The following RCVRN variants were observed in gnomAD, a reference collection of about 807,000 sequenced individuals.
RCVRN encodes the protein cancer associated retinopathy antigen.
RCVRN carries 23 observed loss-of-function variants against 20.4 expected under a neutral mutation model. The ratio of observed to expected loss-of-function variants is 1.13; its 90% CI spans 0.81 to 1.60. The LOEUF is 1.60. Ranked by LOEUF, RCVRN falls within the 40% of genes most tolerant of loss-of-function variation. The pLI is 0.00. For synonymous variants in RCVRN, 105 were observed against 105.9 expected (o/e 0.99, Z 0.05); for missense variants, 254 against 254.2 (o/e 1.00, Z 0.00).
Position 9,901,085 on chromosome 17 carries a change from T to TCA in RCVRN, c.395_396dup (p.Ile133Ter), listed in dbSNP as rs2067339725. The TCA allele has an allele frequency of 6.2e-7, 1 of 1,601,696 alleles. No homozygotes were observed. Among genetic ancestry groups the TCA allele is most frequent in the East Asian group, 2.2e-5 (1 of 44,622 alleles). ...AGGAGCTTCACGTCCTCGGGAGTGA[T>TCA]CATTTTGAAAATAGCCTGTACCAAA... On this transcript the variant is annotated frameshift_variant, in exon 2 of 3. Transcript: ENST00000226193. LOFTEE classifies it high-confidence loss of function.
intron 2 of RCVRN, among the ~76,000 whole-genome samples, chr17:9,898,998 T>A (rs1222310625): frequency 2.0e-5 from 3 of 152,174 alleles, no homozygotes; most frequent in African/African-American, 7.2e-5. Flanking sequence ...CCACTGTGCT[T>A]GGAGCCAAGG....
intron 1 of RCVRN, among the ~76,000 whole-genome samples, chr17:9,901,922 A>G (rs572623438): frequency 6.6e-6 from 1 of 152,318 alleles, no homozygotes; most frequent in South Asian, 2.1e-4. Flanking sequence ...TGCTCTGCCC[A>G]TGAACTTGTA....
chr17:9,900,689 T>C (rs1228842660), intron 2 of RCVRN, among the ~76,000 whole-genome samples: 3 of 152,092 alleles, frequency 2.0e-5, no homozygotes, highest in Admixed American at 1.3e-4. Flanking sequence ...CCAAACCAAC[T>C]TCCCAAAGTA....
Position 9,904,677 on chromosome 17 carries a change from C to T in RCVRN, c.381+123G>A, listed in dbSNP as rs1472416435. 8.9e-7 allele frequency: 1 copy of T among 1,122,446 alleles called. No homozygotes were observed. The highest frequency in any genetic ancestry group is 2.4e-5 in the East Asian group (1 of 42,008). 69.5% of individuals were successfully genotyped at this position (1,122,446 alleles called of 1,614,324 possible). Reference sequence around the variant, plus strand: ...ATCTCGGAGCACCACGCTCTCAGAGCCAGTGGCCCGCATCCCCCGCTCCAC... The same window carrying T: ...ATCTCGGAGCACCACGCTCTCAGAGTCAGTGGCCCGCATCCCCCGCTCCAC... On this transcript the variant is annotated intron_variant, in intron 1 of 2. Coordinates refer to ENST00000226193, the MANE Select transcript of RCVRN (RefSeq NM_002903.3). This position sits in a 1 kb window ranked among gnomAD's most constrained non-coding sequence, Gnocchi z 5.8.
rs1262982059 is a variant in RCVRN at position 9,896,327 on chromosome 17, C to T, written c.*1768G>A. On this transcript the variant is annotated 3_prime_UTR_variant, in exon 3 of 3. Transcript: ENST00000226193. ...GCAGAGTCTAGCATGGTGCACGGTT[C>T]ATAAGTGTTTATTCTCACGTTTGCT... 2.6e-5 allele frequency: 4 copies of T among 152,164 alleles called. No individual in the cohort carries two copies. Among genetic ancestry groups the T allele is most frequent in the African/African-American group, 9.7e-5 (4 of 41,412 alleles). The allele number at this position is 152,164 out of a possible 1,614,324, so 9.4% of individuals were successfully genotyped here.
chr17:9,901,855 T>C (rs1330784687), intron 1 of RCVRN, among the ~76,000 whole-genome samples: 2 of 152,220 alleles, frequency 1.3e-5, no homozygotes, highest in Admixed American at 6.5e-5. Flanking sequence ...ACAGCAACAC[T>C]GCTAGTTGGA....
At position 9,898,062 on chromosome 17, in the gene RCVRN, G is replaced by C; in HGVS notation, c.*33C>G. 1 of 1,444,254 alleles carries C rather than the reference G, an allele frequency of 6.9e-7. No individual in the cohort carries two copies. Among genetic ancestry groups the C allele is most frequent in the Non-Finnish European group, 9.8e-7 (1 of 1,025,402 alleles). The allele number at this position is 1,444,254 out of a possible 1,614,324, so 89.5% of individuals were successfully genotyped here. ...GGCGCTCACGGGTGTCATGTGAGTG[G>C]TAGGTGGAGGGAGGACAGCTGAACA... On this transcript the variant is annotated 3_prime_UTR_variant, in exon 3 of 3. Coordinates refer to ENST00000226193, the MANE Select transcript of RCVRN (RefSeq NM_002903.3).
chr17:9,903,803 G>GGTCCA (rs2067351411), intron 1 of RCVRN, among the ~76,000 whole-genome samples: 1 of 152,180 alleles, frequency 6.6e-6, no homozygotes, highest in African/African-American at 2.4e-5. Flanking sequence ...TGAGCTCCAT[G>GGTCCA]GTCCAGCCTT....
In RCVRN at chr17:9,904,787, A is replaced by G; in HGVS notation, c.381+13T>C. On this transcript the variant is annotated intron_variant, in intron 1 of 2. Coordinates refer to ENST00000226193, the MANE Select transcript of RCVRN (RefSeq NM_002903.3). This position sits in a 1 kb window ranked among gnomAD's most constrained non-coding sequence, Gnocchi z 5.8. ...CGGCACCGCCCAGCCAGAAGGGGAG[A>G]GGGGAGACTGACCATGACGATCTCC... The G allele has an allele frequency of 1.9e-6, 3 of 1,608,546 alleles. No individual in the cohort carries two copies.
Position 9,899,463 on chromosome 17 carries a change from T to G in RCVRN, c.494-1259A>C, listed in dbSNP as rs2067332414. Among the ~76,000 whole-genome samples the G allele has an allele frequency of 6.6e-6, 1 of 152,264 alleles. No individual in the cohort carries two copies. The highest frequency in any genetic ancestry group is 1.5e-5 in the Non-Finnish European group (1 of 68,050). On this transcript the variant is annotated intron_variant, in intron 2 of 2. Coordinates refer to ENST00000226193, the MANE Select transcript of RCVRN (RefSeq NM_002903.3). The surrounding 1 kb of genome is among the most constrained non-coding windows in gnomAD (Gnocchi z 4.6). ...AGTAACACGTCGACCTCGGGGCTTC[T>G]GACGTCATCCCCTCCCGGGATGTTC...
chr17:9,902,193 T>C (rs11656637), intron 1 of RCVRN, among the ~76,000 whole-genome samples: 26,577 of 151,754 alleles, frequency 0.18, 3,008 homozygotes, highest in Non-Finnish European at 0.26. Context: ...TGCTGGGCCC[T>C]GCATTGTTTA....
At chr17:9,901,141 T>A in intron 1 of RCVRN, 41 bp from the exon 2 acceptor site, 1 of 1,198,092 alleles carries the variant, frequency 8.3e-7, no homozygotes, top group Non-Finnish European at 1.2e-6. Flanking sequence ...GGAGGAACTT[T>A]AAGGGGCTGG....
In RCVRN at chr17:9,897,869, G is replaced by A. The variant is rs2067324449; in HGVS notation, c.*226C>T. 1 of 531,062 alleles carries A rather than the reference G, an allele frequency of 1.9e-6. No individual in the cohort carries two copies. Among genetic ancestry groups the A allele is most frequent in the South Asian group, 2.3e-5 (1 of 43,964 alleles). The allele number at this position is 531,062 out of a possible 1,614,324, so 32.9% of individuals were successfully genotyped here. On this transcript the variant is annotated 3_prime_UTR_variant, in exon 3 of 3. Coordinates refer to ENST00000226193, the MANE Select transcript of RCVRN (RefSeq NM_002903.3). ...GGGGTGGGACCGGGCATGATGGGAG[G>A]GAATGCTGAAGACCCAGGAAGAAGG...
At chr17:9,903,801 A>G (rs1372002488) in intron 1 of RCVRN, among the ~76,000 whole-genome samples, 1 of 152,214 alleles carries the variant, frequency 6.6e-6, no homozygotes, top group Non-Finnish European at 1.5e-5. Context: ...CCTGAGCTCC[A>G]TGGTCCAGCC....
chr17:9,897,999 TGCGCGCGC>T lies in RCVRN; in HGVS notation c.*88_*95del. 19 of 730,992 alleles carry T rather than the reference TGCGCGCGC, an allele frequency of 2.6e-5. No homozygotes were observed. Among genetic ancestry groups the T allele is most frequent in the Non-Finnish European group, 4.5e-5 (18 of 399,648 alleles). The allele number at this position is 730,992 out of a possible 1,614,324, so 45.3% of individuals were successfully genotyped here. On this transcript the variant is annotated 3_prime_UTR_variant, in exon 3 of 3. Transcript: ENST00000226193. ...TGGGGTGGATGTGTGTGTGTGTGTG[TGCGCGCGC>T]GTGTGTGTGCATGTGTGTGTGTGTG...
chr17:9,897,997 T>C lies in RCVRN; in HGVS notation c.*98A>G, dbSNP rs560847433. The stretch of plus-strand genomic sequence containing the variant: ...CCTGGGGTGGATGTGTGTGTGTGTG[T>C]GTGCGCGCGCGTGTGTGTGCATGTG... On this transcript the variant is annotated 3_prime_UTR_variant, in exon 3 of 3. Transcript: ENST00000226193. 8.8e-4 allele frequency: 670 copies of C among 760,166 alleles called. 4 individuals carry two copies. In the African/African-American group the frequency reaches 0.011, roughly 12 times the overall value. 47.1% of individuals were successfully genotyped at this position (760,166 alleles called of 1,614,324 possible).
Position 9,905,226 on chromosome 17 carries a change from G to A in RCVRN, c.-46C>T. 1 of 1,542,554 alleles carries A rather than the reference G, an allele frequency of 6.5e-7. No individual in the cohort carries two copies. The highest frequency in any genetic ancestry group is 8.7e-7 in the Non-Finnish European group (1 of 1,147,650). On this transcript the variant is annotated 5_prime_UTR_variant, in exon 1 of 3. Coordinates refer to ENST00000226193, the MANE Select transcript of RCVRN (RefSeq NM_002903.3). ...CGGCTGGGGAGTCGCTGGGTGGGTG[G>A]GACGTGCGTGGTCCCCTGGCCGCAG...
rs1326089258 is a variant in RCVRN, at chr17:9,905,221, G to T, written c.-41C>A. ...GGCAGCGGCTGGGGAGTCGCTGGGT[G>T]GGTGGGACGTGCGTGGTCCCCTGGC... On this transcript the variant is annotated 5_prime_UTR_variant, in exon 1 of 3. Coordinates refer to ENST00000226193, the MANE Select transcript of RCVRN (RefSeq NM_002903.3). The T allele has an allele frequency of 3.9e-6, 6 of 1,556,862 alleles. No homozygotes were observed. Among genetic ancestry groups the T allele is most frequent in the Non-Finnish European group, 5.2e-6 (6 of 1,154,384 alleles).
rs371672747 is a variant in RCVRN, at chr17:9,905,206, G to A, written c.-26C>T. On this transcript the variant is annotated 5_prime_UTR_variant, in exon 1 of 3. Coordinates refer to ENST00000226193, the MANE Select transcript of RCVRN (RefSeq NM_002903.3). ...GAGTGAGGAAGAGTGGGCAGCGGCT[G>A]GGGAGTCGCTGGGTGGGTGGGACGT... The A allele has an allele frequency of 6.3e-7, 1 of 1,579,590 alleles. No individual in the cohort carries two copies. The highest frequency in any genetic ancestry group is 1.3e-5 in the African/African-American group (1 of 74,438).
Sources: allele counts gnomAD v4.1 joint callset (sites outside exome capture counted in the v4.1 genomes callset), GRCh38; gene constraint gnomAD v4.1.1; non-coding constraint Gnocchi (gnomAD v3.1); transcripts MANE v1.5; gene names NCBI Gene and HGNC (gene_info 2026-07-23, HGNC 2026-07-21).